DDR2: variants seen among roughly 807,000 people sequenced by gnomAD.
DDR2 encodes discoidin domain-containing receptor 2.
In DDR2, 27 loss-of-function variants were observed where a neutral mutation model predicts 94.9. The ratio of observed to expected loss-of-function variants is 0.28; its 90% CI spans 0.21 to 0.39. The LOEUF is 0.39. DDR2 is among the 10% of genes least tolerant of loss of function. The pLI is 1.00. For synonymous variants in DDR2, 382 were observed against 377.2 expected, an observed-to-expected ratio of 1.01 and a Z score of -0.15; for missense variants, 783 against 1,076.0, an observed-to-expected ratio of 0.73 and a Z score of 3.81.
At chr1:162,657,000 G>T (rs905726246) in intron 2 of DDR2, among the ~76,000 whole-genome samples, 1 of 151,140 alleles carries the variant, frequency 6.6e-6, no homozygotes, top group East Asian at 1.9e-4. Context: ...ACAGGCACAC[G>T]CCACCACTTT....
rs573951077 is a variant in DDR2, at chr1:162,741,091, G to A, written c.83-12004G>A. On this transcript the variant is annotated intron_variant, in intron 3 of 17. Coordinates refer to ENST00000367921, the MANE Select transcript of DDR2 (RefSeq NM_006182.4). Reference sequence around the variant, plus strand: ...GCCTTCTGCCAGTTTCCTCATACAGGATGAGTATCCCTTATCTAAAATGCT... The same window carrying A: ...GCCTTCTGCCAGTTTCCTCATACAGAATGAGTATCCCTTATCTAAAATGCT... Among the ~76,000 whole-genome samples, 15 of 151,640 alleles carry A rather than the reference G, an allele frequency of 9.9e-5. 2 individuals are homozygous for A. The South Asian group carries it at 2.9e-3, about 29-fold the overall frequency.
At chr1:162,696,782 C>T (rs1571211145) in intron 2 of DDR2, among the ~76,000 whole-genome samples, 1 of 152,216 alleles carries the variant, frequency 6.6e-6, no homozygotes. Flanking sequence ...GCAGCTTGTG[C>T]CTCCCAGCCT....
upstream of DDR2, among the ~76,000 whole-genome samples, chr1:162,631,754 A>G (rs184430393): frequency 8.0e-4 from 122 of 152,060 alleles, no homozygotes; most frequent in African/African-American, 2.8e-3. Flanking sequence ...TAAAGGAGGG[A>G]AAAAAAAGTT....
intron 1 of DDR2, among the ~76,000 whole-genome samples, chr1:162,634,347 G>C (rs1656711135): frequency 6.6e-6 from 1 of 152,192 alleles, no homozygotes; most frequent in Non-Finnish European, 1.5e-5. Context: ...CTTGACTTCT[G>C]TATTTATTAT....
intron 3 of DDR2, among the ~76,000 whole-genome samples, chr1:162,729,022 A>G (rs1234257057): frequency 6.6e-6 from 1 of 151,920 alleles, no homozygotes; most frequent in Non-Finnish European, 1.5e-5. Flanking sequence ...ATTACATGCA[A>G]ATATCAAAGA....
intron 1 of DDR2, among the ~76,000 whole-genome samples, chr1:162,644,232 A>T (rs962186755): frequency 6.6e-6 from 1 of 152,200 alleles, no homozygotes; most frequent in Middle Eastern, 3.2e-3. Flanking sequence ...AATGAAGTAC[A>T]TGTTGGGGTG....
intron 8 of DDR2, among the ~76,000 whole-genome samples, chr1:162,760,355 C>G (rs1663653618): frequency 1.2e-5 from 1 of 82,654 alleles, no homozygotes; most frequent in African/African-American, 4.5e-5. Flanking sequence ...TTTACCAGCA[C>G]AGTTGTGTGT....
At chr1:162,694,722 C>T (rs1660109260) in intron 2 of DDR2, among the ~76,000 whole-genome samples, 1 of 152,136 alleles carries the variant, frequency 6.6e-6, no homozygotes, top group South Asian at 2.1e-4. Context: ...GCATGTTGAG[C>T]TACATTTCTG....
At chr1:162,663,935 G>A (rs139163318) in intron 2 of DDR2, among the ~76,000 whole-genome samples, 37 of 152,218 alleles carry the variant, frequency 2.4e-4, no homozygotes, top group African/African-American at 7.7e-4. Flanking sequence ...GCCTCAGCAC[G>A]TGGACTTGAG....
In DDR2 at chr1:162,771,300, A is replaced by G. The variant is rs1664255329; in HGVS notation, c.1505-724A>G. 1.3e-5 allele frequency among the ~76,000 whole-genome samples: 2 copies of G among 152,180 alleles called. 1 individual carries two copies. Among genetic ancestry groups the G allele is most frequent in the South Asian group, 4.1e-4 (2 of 4,832 alleles). On this transcript the variant is annotated intron_variant, in intron 12 of 17. Coordinates refer to ENST00000367921, the MANE Select transcript of DDR2 (RefSeq NM_006182.4). Reference sequence around the variant, plus strand: ...GAAAAGAACTTGTAGTGTTCAGGAGAGAGGAGCTAGGCCTGAGCTGGATGT... The same window carrying G: ...GAAAAGAACTTGTAGTGTTCAGGAGGGAGGAGCTAGGCCTGAGCTGGATGT...
chr1:162,721,552 G>C (rs1308977354), intron 3 of DDR2, among the ~76,000 whole-genome samples: 1 of 152,192 alleles, frequency 6.6e-6, no homozygotes. Context: ...GAGGCTCATA[G>C]AATGTTATAG....
At position 162,781,292 on chromosome 1, in the gene DDR2, A is replaced by G. The variant is rs2102213851; in HGVS notation, c.*1046A>G. The stretch of plus-strand genomic sequence containing the variant: ...CTGAATTTCTCAGGCATAAATACCT[A>G]ATGGCCTTGTCTAAGAGGGAATAGA... On this transcript the variant is annotated 3_prime_UTR_variant, in exon 18 of 18. Transcript: ENST00000367921. 1 of 152,344 alleles carries G rather than the reference A, an allele frequency of 6.6e-6. No individual in the cohort carries two copies. 9.4% of individuals were successfully genotyped at this position (152,344 alleles called of 1,614,324 possible). A position where few individuals can be genotyped will look rare whatever the true frequency, so the allele number is the denominator to read the frequency against.
At chr1:162,711,374 A>T (rs1660906795) in intron 2 of DDR2, among the ~76,000 whole-genome samples, 1 of 152,372 alleles carries the variant, frequency 6.6e-6, no homozygotes, top group African/African-American at 2.4e-5. Context: ...ATTCAAAGTT[A>T]CCCGGCATTG....
chr1:162,703,979 A>C (rs1299526107), intron 2 of DDR2, among the ~76,000 whole-genome samples: 1 of 152,170 alleles, frequency 6.6e-6, no homozygotes, highest in Non-Finnish European at 1.5e-5. Flanking sequence ...GTTAATGCTG[A>C]GTAGAATCTT....
At chr1:162,696,921 T>A (rs1660220647) in intron 2 of DDR2, among the ~76,000 whole-genome samples, 1 of 152,120 alleles carries the variant, frequency 6.6e-6, no homozygotes, top group African/African-American at 2.4e-5. Context: ...TGGGTTCCTG[T>A]ACTTAGCTGC....
intron 2 of DDR2, among the ~76,000 whole-genome samples, chr1:162,661,921 T>A (rs953475462): frequency 2.6e-5 from 4 of 152,226 alleles, no homozygotes; most frequent in African/African-American, 9.6e-5. Context: ...TTTGTCTGCA[T>A]AGTCCAGGAC....
chr1:162,643,653 G>C (rs1338724404), intron 1 of DDR2, among the ~76,000 whole-genome samples: 2 of 152,048 alleles, frequency 1.3e-5, no homozygotes, highest in Non-Finnish European at 2.9e-5. Context: ...GCTAATTTTT[G>C]TATTTTTAGT....
chr1:162,690,361 G>A (rs74876216), intron 2 of DDR2, among the ~76,000 whole-genome samples: 6,552 of 152,132 alleles, frequency 0.043, 218 homozygotes, highest in East Asian at 0.14. Flanking sequence ...CTGGTTTTGG[G>A]GTTAGGACAC....
chr1:162,632,461 T>C (rs1390816224), upstream of DDR2: 1 of 152,160 alleles, frequency 6.6e-6, no homozygotes, highest in Non-Finnish European at 1.5e-5. Context: ...GTGAGGTTTC[T>C]CTCAAAGGCA....
Sources: allele counts gnomAD v4.1 joint callset (sites outside exome capture counted in the v4.1 genomes callset), GRCh38; gene constraint gnomAD v4.1.1; transcripts MANE v1.5; gene names NCBI Gene and HGNC (gene_info 2026-07-23, HGNC 2026-07-21).